The following GABRA6 variants were observed in gnomAD, a reference collection of about 807,000 sequenced individuals.
GABRA6 encodes gamma-aminobutyric acid receptor subunit alpha-6.
Under a neutral mutation model 47.3 loss-of-function variants are expected in GABRA6, and 45 were observed. The observed-to-expected ratio is 0.95, with a 90% CI of 0.75 to 1.22. The LOEUF (loss-of-function observed/expected upper bound fraction) is 1.22, where lower values mean the gene tolerates loss of function less well. Ranked by LOEUF, GABRA6 falls within the 50% of genes most tolerant of loss-of-function variation. GABRA6 has a pLI of 0.00. For synonymous variants in GABRA6, 219 were observed against 194.7 expected (o/e 1.12, Z -1.04); for missense variants, 583 against 549.3 (o/e 1.06, Z -0.61).
rs773933099 is a variant in GABRA6 at position 161,701,988 on chromosome 5, C to G, written c.*215C>G. The G allele has an allele frequency of 3.8e-5, 22 of 575,608 alleles. No homozygotes were observed. Among genetic ancestry groups the G allele is most frequent in the Non-Finnish European group, 6.4e-5 (21 of 326,608 alleles). The allele number at this position is 575,608 out of a possible 1,614,324, so 35.7% of individuals were successfully genotyped here. On this transcript the variant is annotated 3_prime_UTR_variant, in exon 9 of 9. Transcript: ENST00000274545. ...AAGATTGCTGAAAAATATGACTTTT[C>G]TGTATGTTAGAGAAAAACTTTATGA...
intron 7 of GABRA6, 63 bp from the exon 8 acceptor site, chr5:161,691,878 C>A (rs1168252832): frequency 1.4e-6 from 2 of 1,465,630 alleles, no homozygotes; most frequent in Non-Finnish European, 1.9e-6. Flanking sequence ...GACACATTCT[C>A]ATTTGATTTT....
chr5:161,698,161 G>T (rs990575796), intron 8 of GABRA6, among the ~76,000 whole-genome samples: 6 of 152,130 alleles, frequency 3.9e-5, no homozygotes, highest in African/African-American at 1.4e-4. Context: ...TTAAATACTT[G>T]CTAGGCACTG....
intron 8 of GABRA6, among the ~76,000 whole-genome samples, chr5:161,699,607 T>G (rs1754943852): frequency 6.7e-6 from 1 of 148,322 alleles, no homozygotes; most frequent in East Asian, 2.0e-4. Flanking sequence ...CAGGCTGAAG[T>G]GCAGTGGCCA....
At chr5:161,692,969 A>G (rs1180273353) in intron 8 of GABRA6, among the ~76,000 whole-genome samples, 1 of 152,212 alleles carries the variant, frequency 6.6e-6, no homozygotes, top group Non-Finnish European at 1.5e-5. Context: ...TACTTATTTT[A>G]ATGGATAATA....
rs775737124 is a variant in GABRA6 at position 161,701,566 on chromosome 5, C to T, written c.1155C>T (p.Ser385=). The change falls in exon 9 of 9, where the codon TCC becomes TCT. Residue 385 remains serine, a synonymous_variant. Coordinates refer to ENST00000274545, the MANE Select transcript of GABRA6 (RefSeq NM_000811.3). The part of the protein sequence containing the change: ...TSLSLPIVSS[S]EANKVLTRAP... ...TGTCTTTGCCAATAGTTTCATCTTC[C>T]GAGGCCAATAAAGTGCTCACGAGAG... 1.5e-5 allele frequency: 25 copies of T among 1,614,012 alleles called. No homozygotes were observed. Among genetic ancestry groups the T allele is most frequent in the East Asian group, 2.2e-5 (1 of 44,894 alleles).
chr5:161,695,942 GA>G (rs1297548587), intron 8 of GABRA6, among the ~76,000 whole-genome samples: 5 of 152,112 alleles, frequency 3.3e-5, no homozygotes, highest in Non-Finnish European at 1.5e-5. Flanking sequence ...ATTAGTGAGT[GA>G]TATCAGAGGG....
chr5:161,691,465 T>G (rs1298378683), intron 7 of GABRA6, among the ~76,000 whole-genome samples: 1 of 151,718 alleles, frequency 6.6e-6, no homozygotes, highest in Admixed American at 6.6e-5. Flanking sequence ...CCGGCTAATT[T>G]TTTGTATTTT....
chr5:161,690,290 G>A lies in GABRA6; in HGVS notation c.763G>A (p.Val255Ile), dbSNP rs759927896. 6 of 1,613,774 alleles carry A rather than the reference G, an allele frequency of 3.7e-6. No individual in the cohort carries two copies. In the South Asian group the frequency reaches 5.5e-5, roughly 15 times the overall value. ...IQIYTPCIMT[V>I]ILSQVSFWIN... ...GATATACACTCCTTGCATTATGACA[G>A]TCATTCTTTCCCAGGTGTCTTTCTG... The change falls in exon 7 of 9, where the codon GTC (valine) becomes ATC (isoleucine). Residue 255 changes from valine to isoleucine, a missense_variant. Transcript: ENST00000274545.
At chr5:161,695,068 T>C (rs1056908270) in intron 8 of GABRA6, among the ~76,000 whole-genome samples, 2 of 152,174 alleles carry the variant, frequency 1.3e-5, no homozygotes, top group African/African-American at 4.8e-5. Context: ...AGCAAACTAA[T>C]GTGGTGAAGT....
At chr5:161,694,797 C>T (rs1191444571) in intron 8 of GABRA6, among the ~76,000 whole-genome samples, 1 of 152,070 alleles carries the variant, frequency 6.6e-6, no homozygotes, top group Non-Finnish European at 1.5e-5. Context: ...ATGACCAAAT[C>T]AAACAATGTA....
intron 8 of GABRA6, among the ~76,000 whole-genome samples, chr5:161,697,570 C>T (rs1260423689): frequency 6.6e-6 from 1 of 152,102 alleles, no homozygotes; most frequent in African/African-American, 2.4e-5. Context: ...GAGCTATTTC[C>T]CCCAAGAGAC....
rs374729664 is a variant in GABRA6 at position 161,688,297 on chromosome 5, C to A, written c.226-652C>A. Among the ~76,000 whole-genome samples the A allele has an allele frequency of 2.5e-4, 38 of 152,214 alleles. 1 individual carries two copies. The highest frequency in any genetic ancestry group is 9.1e-4 in the African/African-American group (38 of 41,542). On this transcript the variant is annotated intron_variant, in intron 3 of 8. Transcript: ENST00000274545. ...AGTTGTTATTTGTTATTGACTTTTG[C>A]AATAGCTCTTATTATAATTCTTAAA...
At chr5:161,686,132 T>C (rs1581120188) in intron 1 of GABRA6, 98 bp from the exon 2 acceptor site, 6 of 1,354,612 alleles carry the variant, frequency 4.4e-6, no homozygotes, top group Non-Finnish European at 5.3e-6. Context: ...AGGCCAGAAG[T>C]GGTGTTGCAT....
chr5:161,699,752 G>A (rs1351269127), intron 8 of GABRA6, among the ~76,000 whole-genome samples: 1 of 151,860 alleles, frequency 6.6e-6, no homozygotes, highest in Non-Finnish European at 1.5e-5. Flanking sequence ...CAGCCACCAT[G>A]CACAGCCCAT....
chr5:161,690,398 T>C lies in GABRA6; in HGVS notation c.826+45T>C, dbSNP rs774598281. 3 of 1,575,940 alleles carry C rather than the reference T, an allele frequency of 1.9e-6. No homozygotes were observed. In the South Asian group the frequency reaches 3.3e-5, roughly 17 times the overall value. On this transcript the variant is annotated intron_variant, in intron 7 of 8. Coordinates refer to ENST00000274545, the MANE Select transcript of GABRA6 (RefSeq NM_000811.3). ...CTTCACGTACATTCATCCTCCACCT[T>C]TCATTGCTTGTGTATTTTGAGTAAA...
At chr5:161,686,463 G>A in intron 2 of GABRA6, 115 bp downstream of exon 2, 1 of 818,510 alleles carries the variant, frequency 1.2e-6, no homozygotes, top group South Asian at 1.3e-5. Flanking sequence ...GGGTACGGGA[G>A]AGAGACCATG....
rs770441124 is a variant in GABRA6, at chr5:161,692,100, A to G, written c.986A>G (p.Asn329Ser). The G allele has an allele frequency of 6.2e-6, 10 of 1,613,980 alleles. No homozygotes were observed. Among genetic ancestry groups the G allele is most frequent in the Middle Eastern group, 1.6e-4 (1 of 6,084 alleles). ...IEFAAVNYFT[N>S]LQTQKAKRKA... Reference sequence around the variant, plus strand: ...TTCGCAGCTGTCAACTACTTTACCAATCTTCAGACACAGAAGGCCAAAAGG... The same window carrying G: ...TTCGCAGCTGTCAACTACTTTACCAGTCTTCAGACACAGAAGGCCAAAAGG... The change falls in exon 8 of 9, where the codon AAT becomes AGT. Residue 329 changes from asparagine to serine, a missense_variant. Physicochemically the swap from Asn to Ser is conservative, Grantham distance 46. Transcript: ENST00000274545.
intron 8 of GABRA6, among the ~76,000 whole-genome samples, chr5:161,701,075 T>G (rs1754971632): frequency 6.6e-6 from 1 of 152,192 alleles, no homozygotes; most frequent in African/African-American, 2.4e-5. Flanking sequence ...TTTTTTGTAC[T>G]AATTGTCCAC....
chr5:161,701,367 C>T, intron 8 of GABRA6, 131 bp from the exon 9 acceptor site: 3 of 952,416 alleles, frequency 3.1e-6, no homozygotes, highest in Non-Finnish European at 5.0e-6. Flanking sequence ...ATTAAGAATT[C>T]ATTGATGTTT....
Sources: gnomAD v4.1 joint callset for allele counts (sites outside exome capture counted in the v4.1 genomes callset) on GRCh38, gnomAD v4.1.1 for gene constraint, MANE v1.5 for transcripts, NCBI Gene and HGNC (gene_info 2026-07-23, HGNC 2026-07-21) for gene names.